Variants in HTR2C observed in about 807,000 individuals in gnomAD.
HTR2C encodes 5-hydroxytryptamine receptor 2C.
Under a neutral mutation model 21.0 loss-of-function variants are expected in HTR2C, and 5 were observed. The observed-to-expected ratio is 0.24, with a 90% CI of 0.12 to 0.50. The LOEUF (loss-of-function observed/expected upper bound fraction) is 0.50, where lower values mean the gene tolerates loss of function less well. Among genes scored for constraint, HTR2C ranks in the 20% least tolerant of loss-of-function variants. The probability of loss-of-function intolerance (pLI) is 0.98; values close to 1 mark genes in which losing one functional copy is unlikely to be tolerated. For synonymous variants in HTR2C, 150 were observed against 145.3 expected, an observed-to-expected ratio of 1.03 and a Z score of -0.23; for missense variants, 271 against 371.2, an observed-to-expected ratio of 0.73 and a Z score of 2.22.
intron 2 of HTR2C, among the ~76,000 whole-genome samples, chrX:114,644,362 A>ATATAT (rs1930262960): frequency 3.9e-4 from 15 of 38,246 alleles, no homozygotes; most frequent in African/African-American, 5.2e-4. Flanking sequence ...TAAATAAATA[A>ATATAT]ATATATATAT....
At chrX:114,620,883 T>A (rs892236715) in intron 2 of HTR2C, among the ~76,000 whole-genome samples, 24 of 111,509 alleles carry the variant, frequency 2.2e-4, no homozygotes, top group African/African-American at 6.5e-4. Context: ...TCTGCATTTT[T>A]TTTTTCTTTT....
At chrX:114,664,617 T>A (rs1013801811) in intron 2 of HTR2C, among the ~76,000 whole-genome samples, 18 of 112,213 alleles carry the variant, frequency 1.6e-4, no homozygotes, top group Non-Finnish European at 2.3e-4. Flanking sequence ...ATCTAGTCTA[T>A]CATTGACGGG....
At chrX:114,842,247 T>G (rs1304515575) in intron 4 of HTR2C, among the ~76,000 whole-genome samples, 4 of 112,665 alleles carry the variant, frequency 3.6e-5, no homozygotes, top group Non-Finnish European at 5.6e-5. Flanking sequence ...GCACTCCTGA[T>G]GCAAGTTGCT....
chrX:114,794,758 T>G (rs2070272946), intron 4 of HTR2C, among the ~76,000 whole-genome samples: 1 of 109,637 alleles, frequency 9.1e-6, no homozygotes, highest in Non-Finnish European at 1.9e-5. Context: ...TGCCACATTT[T>G]CTTAATCCAG....
At chrX:114,723,250 G>C (rs1933299983) in intron 2 of HTR2C, among the ~76,000 whole-genome samples, 1 of 111,183 alleles carries the variant, frequency 9.0e-6, no homozygotes, top group Non-Finnish European at 1.9e-5. Context: ...TTGGGAGAGT[G>C]TATGTGTCGA....
chrX:114,736,989 A>G (rs1254280398), intron 4 of HTR2C, among the ~76,000 whole-genome samples: 3 of 111,005 alleles, frequency 2.7e-5, no homozygotes, highest in African/African-American at 9.8e-5. Flanking sequence ...TAAAGGAGTG[A>G]ACAGAGGAAC....
rs782227952 is a variant in HTR2C at position 114,680,966 on chromosome X, C to T, written c.-79-45892C>T. 6.1e-4 allele frequency among the ~76,000 whole-genome samples: 68 copies of T among 111,407 alleles called. 1 individual carries two copies. Among genetic ancestry groups the T allele is most frequent in the African/African-American group, 1.9e-3 (57 of 30,741 alleles). ...CACAGAAAAAGCCTGTCATTGCCTT[C>T]TAGGGATAAAATACTGCCATGCAGA... On this transcript the variant is annotated intron_variant, in intron 2 of 5. Coordinates refer to ENST00000276198, the MANE Select transcript of HTR2C (RefSeq NM_000868.4).
At chrX:114,760,351 T>C (rs1407113824) in intron 4 of HTR2C, among the ~76,000 whole-genome samples, 1 of 111,503 alleles carries the variant, frequency 9.0e-6, no homozygotes, top group Non-Finnish European at 1.9e-5. Flanking sequence ...GAAAGTAATT[T>C]CTTTTTCAAA....
At chrX:114,837,393 G>T (rs1327600271) in intron 4 of HTR2C, among the ~76,000 whole-genome samples, 2 of 111,781 alleles carry the variant, frequency 1.8e-5, no homozygotes, top group Non-Finnish European at 3.8e-5. Flanking sequence ...AGATTTGGTG[G>T]TTATTTTGTT....
chrX:114,747,987 T>C (rs1438687433), intron 4 of HTR2C, among the ~76,000 whole-genome samples: 1 of 112,224 alleles, frequency 8.9e-6, no homozygotes, highest in Non-Finnish European at 1.9e-5. Context: ...AAATAATGAA[T>C]GTTTTTATAA....
At chrX:114,781,150 G>A (rs2070112994) in intron 4 of HTR2C, among the ~76,000 whole-genome samples, 1 of 110,849 alleles carries the variant, frequency 9.0e-6, no homozygotes, top group African/African-American at 3.3e-5. Context: ...TGTCAAAAAT[G>A]CAAAAGAGAG....
At chrX:114,796,779 G>A (rs781870903) in intron 4 of HTR2C, among the ~76,000 whole-genome samples, 1 of 111,222 alleles carries the variant, frequency 9.0e-6, no homozygotes, top group Non-Finnish European at 1.9e-5. Flanking sequence ...AGTACCTTCT[G>A]TGCCTCACTT....
chrX:114,848,865 C>G (rs1170975466), intron 5 of HTR2C, among the ~76,000 whole-genome samples: 1 of 111,441 alleles, frequency 9.0e-6, no homozygotes, highest in African/African-American at 3.3e-5. Flanking sequence ...AATGCCTTAA[C>G]AGTGCTAATA....
At chrX:114,705,639 T>C (rs1556417886) in intron 2 of HTR2C, among the ~76,000 whole-genome samples, 1 of 97,672 alleles carries the variant, frequency 1.0e-5, no homozygotes, top group African/African-American at 3.6e-5. Context: ...ATTCAGCACA[T>C]AGGCATGGGC....
chrX:114,895,712 G>T (rs2071291150), intron 5 of HTR2C, among the ~76,000 whole-genome samples: 1 of 111,488 alleles, frequency 9.0e-6, no homozygotes, highest in African/African-American at 3.3e-5. Flanking sequence ...TCCAGGCTGG[G>T]TGTGGTGGCT....
At chrX:114,737,982 T>C (rs73567551) in intron 4 of HTR2C, among the ~76,000 whole-genome samples, 38 of 112,496 alleles carry the variant, frequency 3.4e-4, no homozygotes, top group African/African-American at 1.1e-3. Context: ...AAGGATGCTA[T>C]AGACCAATGT....
chrX:114,704,706 A>G (rs1569485502), intron 2 of HTR2C, among the ~76,000 whole-genome samples: 2 of 111,299 alleles, frequency 1.8e-5, no homozygotes, highest in Non-Finnish European at 3.8e-5. Context: ...AGTGCTGGCC[A>G]GGCAATCAGG....
intron 2 of HTR2C, chrX:114,717,681 T>C (rs1321629055): frequency 8.9e-6 from 1 of 111,809 alleles, no homozygotes; most frequent in Non-Finnish European, 1.9e-5. Flanking sequence ...GAAAAGGTAA[T>C]GGTAAAAATG....
At chrX:114,744,540 C>T (rs1364401714) in intron 4 of HTR2C, among the ~76,000 whole-genome samples, 1 of 107,796 alleles carries the variant, frequency 9.3e-6, no homozygotes, top group Non-Finnish European at 1.9e-5. Context: ...GCAAGCTCTG[C>T]CTCCCAGGTT....
Sources: allele counts gnomAD v4.1 joint callset (sites outside exome capture counted in the v4.1 genomes callset), GRCh38; gene constraint gnomAD v4.1.1; transcripts MANE v1.5; gene names NCBI Gene and HGNC (gene_info 2026-07-23, HGNC 2026-07-21).